The following TMEM236 variants were observed in gnomAD, a reference collection of about 807,000 sequenced individuals.
TMEM236 encodes transmembrane protein 236, also known as family with sequence similarity 23, member A.
TMEM236 carries 11 observed loss-of-function variants against 14.7 expected under a neutral mutation model. The observed-to-expected ratio is 0.75, with a 90% CI of 0.47 to 1.24. The LOEUF (loss-of-function observed/expected upper bound fraction) is 1.24, where lower values mean the gene tolerates loss of function less well. TMEM236 is among the 50% of genes most tolerant of loss of function. The pLI, the probability that TMEM236 is intolerant of heterozygous loss-of-function variation, is 0.00. For missense variants in TMEM236, 464 were observed against 427.3 expected, an observed-to-expected ratio of 1.09 and a Z score of -0.76; for synonymous variants, 182 against 168.6, an observed-to-expected ratio of 1.08 and a Z score of -0.62.
At position 17,799,230 on chromosome 10, in the gene TMEM236, G is replaced by A. The variant is rs1838060335; in HGVS notation, c.*2726G>A. On this transcript the variant is annotated 3_prime_UTR_variant, in exon 4 of 4. Transcript: ENST00000377495. ...CTTTATTCCTTAAAGGAAAGCCTGA[G>A]GGCATCTTGTTTAACAATGCATCTC... 1 of 157,030 alleles carries A rather than the reference G, an allele frequency of 6.4e-6. No individual in the cohort carries two copies. Among genetic ancestry groups the A allele is most frequent in the African/African-American group, 2.4e-5 (1 of 41,438 alleles). 9.7% of individuals were successfully genotyped at this position (157,030 alleles called of 1,614,324 possible). A position where few individuals can be genotyped will look rare whatever the true frequency, so the allele number is the denominator to read the frequency against.
intron 3 of TMEM236, 113 bp from the exon 4 acceptor site, chr10:17,795,808 A>G: frequency 8.8e-7 from 1 of 1,133,584 alleles, no homozygotes; most frequent in South Asian, 1.5e-5. Context: ...TAAGTGAAAA[A>G]CAAAAGAATA....
intron 3 of TMEM236, 87 bp downstream of exon 3, chr10:17,776,257 A>G (rs1837657632): frequency 1.6e-6 from 2 of 1,260,234 alleles, no homozygotes; most frequent in Admixed American, 3.6e-5. Flanking sequence ...AACATGTTTA[A>G]TGATACCTTT....
At chr10:17,763,862 C>G (rs890856453) in intron 1 of TMEM236, among the ~76,000 whole-genome samples, 2 of 152,130 alleles carry the variant, frequency 1.3e-5, no homozygotes, top group African/African-American at 4.8e-5. Context: ...TCTTTCACTT[C>G]CCAGCCACAG....
intron 2 of TMEM236, among the ~76,000 whole-genome samples, chr10:17,775,785 G>A (rs945156623): frequency 6.6e-6 from 1 of 152,100 alleles, no homozygotes; most frequent in Non-Finnish European, 1.5e-5. Context: ...ACTGTTTTTT[G>A]CATGTATTTA....
intron 1 of TMEM236, among the ~76,000 whole-genome samples, chr10:17,762,686 G>A (rs1038551679): frequency 9.9e-5 from 14 of 141,306 alleles, no homozygotes; most frequent in East Asian, 4.1e-4. Flanking sequence ...GGTTTTTGTC[G>A]AGACAGGGTC....
intron 3 of TMEM236, among the ~76,000 whole-genome samples, chr10:17,795,325 A>C (rs917022900): frequency 5.9e-5 from 9 of 152,236 alleles, no homozygotes; most frequent in African/African-American, 2.2e-4. Flanking sequence ...AGCTCTGCCC[A>C]ATACTAACTG....
chr10:17,756,569 T>C (rs1837287900), intron 1 of TMEM236, among the ~76,000 whole-genome samples: 3 of 152,234 alleles, frequency 2.0e-5, no homozygotes. Flanking sequence ...GTGCTGGGAT[T>C]ACGGGCATGA....
intron 3 of TMEM236, among the ~76,000 whole-genome samples, chr10:17,777,740 G>A (rs1837682145): frequency 6.6e-6 from 1 of 151,318 alleles, no homozygotes; most frequent in Non-Finnish European, 1.5e-5. Context: ...GTGATGAGTT[G>A]TTTTTTTGTT....
chr10:17,758,648 A>G (rs1837315449), intron 1 of TMEM236, among the ~76,000 whole-genome samples: 1 of 152,190 alleles, frequency 6.6e-6, no homozygotes, highest in Non-Finnish European at 1.5e-5. Context: ...AAGTGTTATG[A>G]CCTCAAACTG....
intron 3 of TMEM236, among the ~76,000 whole-genome samples, chr10:17,779,987 G>A (rs960517374): frequency 0.21 from 32,420 of 152,062 alleles, 3,510 homozygotes; most frequent in African/African-American, 0.27. Context: ...TCCTGCCACC[G>A]AGTTCTAGTT....
chr10:17,783,115 G>A (rs919574581), intron 3 of TMEM236, among the ~76,000 whole-genome samples: 4 of 152,156 alleles, frequency 2.6e-5, no homozygotes, highest in Admixed American at 2.6e-4. Flanking sequence ...TGGGGATGGA[G>A]AGAGTTAACT....
At chr10:17,763,422 C>A (rs1837408102) in intron 1 of TMEM236, among the ~76,000 whole-genome samples, 1 of 151,806 alleles carries the variant, frequency 6.6e-6, no homozygotes, top group Non-Finnish European at 1.5e-5. Context: ...AAGACCCTGT[C>A]TTTCTATTAA....
chr10:17,785,572 T>C (rs1181560955), intron 3 of TMEM236, among the ~76,000 whole-genome samples: 3 of 152,016 alleles, frequency 2.0e-5, no homozygotes, highest in Non-Finnish European at 4.4e-5. Context: ...AAAAAAAGGA[T>C]GTAGCTTTTT....
In TMEM236 at chr10:17,796,571, T is replaced by C. The variant is rs1838019005; in HGVS notation, c.*67T>C. ...GTGCACATTTGTAATCCTTCTTTTT[T>C]TCTTGGGGCGTAGGTGTTTGCACTA... On this transcript the variant is annotated 3_prime_UTR_variant, in exon 4 of 4. Coordinates refer to ENST00000377495, the MANE Select transcript of TMEM236 (RefSeq NM_001098844.3). 7.2e-6 allele frequency: 10 copies of C among 1,393,478 alleles called. No individual in the cohort carries two copies. The Admixed American group carries it at 1.4e-4, about 19-fold the overall frequency. 86.3% of individuals were successfully genotyped at this position (1,393,478 alleles called of 1,614,324 possible).
chr10:17,756,980 T>C (rs1010844133), intron 1 of TMEM236, among the ~76,000 whole-genome samples: 1 of 152,216 alleles, frequency 6.6e-6, no homozygotes, highest in African/African-American at 2.4e-5. Flanking sequence ...TTTTGGGAAA[T>C]ACACTTCCAG....
At chr10:17,773,322 C>T (rs1837604805) in intron 2 of TMEM236, among the ~76,000 whole-genome samples, 1 of 152,130 alleles carries the variant, frequency 6.6e-6, no homozygotes, top group African/African-American at 2.4e-5. Context: ...GGAGCATTCA[C>T]CAGCGCTTGC....
At chr10:17,767,201 G>A (rs543515878) in intron 1 of TMEM236, among the ~76,000 whole-genome samples, 91 of 152,236 alleles carry the variant, frequency 6.0e-4, no homozygotes, top group Admixed American at 1.6e-3. Flanking sequence ...GGTGGCTCAC[G>A]CCTGTAATCC....
intron 3 of TMEM236, among the ~76,000 whole-genome samples, chr10:17,785,947 G>A (rs1837829680): frequency 6.6e-6 from 1 of 152,122 alleles, no homozygotes; most frequent in Non-Finnish European, 1.5e-5. Flanking sequence ...ATGAGATTGG[G>A]CCAAAAGCTA....
chr10:17,752,302 T>C lies in TMEM236; in HGVS notation c.7T>C (p.Ser3Pro). MASGRLIKFVVFE... is the reference protein window; with the variant it reads MAPGRLIKFVVFE... Reference sequence around the variant, plus strand: ...CAGCTTGCTTTTCCTCAGGATGGCTTCTGGAAGGCTCATTAAGTTCGTGGT... The same window carrying C: ...CAGCTTGCTTTTCCTCAGGATGGCTCCTGGAAGGCTCATTAAGTTCGTGGT... Residue 3 changes from serine (S) to proline (P), a missense_variant, in exon 1 of 4, where the codon TCT (serine) becomes CCT (proline). Transcript: ENST00000377495. 6 of 1,613,928 alleles carry C rather than the reference T, an allele frequency of 3.7e-6. No homozygotes were observed. In the South Asian group the frequency reaches 6.6e-5, roughly 18 times the overall value.
Sources: allele counts gnomAD v4.1 joint callset (sites outside exome capture counted in the v4.1 genomes callset), GRCh38; gene constraint gnomAD v4.1.1; transcripts MANE v1.5; gene names NCBI Gene and HGNC (gene_info 2026-07-23, HGNC 2026-07-21).